Variants in ZDHHC17 observed in about 807,000 individuals in gnomAD.
The protein encoded by ZDHHC17 is zDHHC palmitoyltransferase 17.
In ZDHHC17, 40 loss-of-function variants were observed where a neutral mutation model predicts 90.3. That is an observed-to-expected ratio of 0.44 (90% confidence interval 0.34 to 0.58). ZDHHC17 has a LOEUF of 0.58. Among genes scored for constraint, ZDHHC17 ranks in the 20% least tolerant of loss-of-function variants. The pLI is 0.01. For synonymous variants in ZDHHC17, 235 were observed against 252.4 expected (o/e 0.93, Z 0.65); for missense variants, 614 against 780.8 (o/e 0.79, Z 2.55).
intron 2 of ZDHHC17, among the ~76,000 whole-genome samples, chr12:76,802,002 A>G (rs1166331143): frequency 1.3e-5 from 2 of 152,214 alleles, no homozygotes; most frequent in Non-Finnish European, 2.9e-5. Flanking sequence ...TTGTTACGTC[A>G]TACTAGGTTT....
At chr12:76,792,147 C>T (rs1463754687) in intron 1 of ZDHHC17, among the ~76,000 whole-genome samples, 1 of 152,054 alleles carries the variant, frequency 6.6e-6, no homozygotes, top group African/African-American at 2.4e-5. Context: ...GTCACCAGCC[C>T]CCTCCTGAGT....
At chr12:76,778,741 G>T (rs1009285470) in intron 1 of ZDHHC17, among the ~76,000 whole-genome samples, 13 of 152,158 alleles carry the variant, frequency 8.5e-5, no homozygotes, top group Non-Finnish European at 1.5e-4. Context: ...GTGCATATTT[G>T]CCATTTGTAT....
intron 1 of ZDHHC17, among the ~76,000 whole-genome samples, chr12:76,765,163 G>T (rs1040403890): frequency 9.2e-5 from 14 of 152,228 alleles, no homozygotes; most frequent in Non-Finnish European, 1.9e-4. Context: ...TGCGGCAGCG[G>T]CACAGTTTGC....
chr12:76,817,788 A>G (rs899467064), intron 7 of ZDHHC17, among the ~76,000 whole-genome samples: 14 of 152,122 alleles, frequency 9.2e-5, no homozygotes, highest in African/African-American at 3.4e-4. Context: ...AAAGTTAATG[A>G]TAAGAGTAGA....
intron 1 of ZDHHC17, among the ~76,000 whole-genome samples, chr12:76,778,046 G>A (rs913517220): frequency 3.3e-5 from 5 of 152,108 alleles, no homozygotes; most frequent in Non-Finnish European, 5.9e-5. Flanking sequence ...GTTGTGGATT[G>A]GCTAGTTTAA....
intron 10 of ZDHHC17, among the ~76,000 whole-genome samples, chr12:76,839,788 C>T (rs1376029679): frequency 2.6e-5 from 4 of 152,142 alleles, no homozygotes; most frequent in Non-Finnish European, 5.9e-5. Flanking sequence ...TGCAAATGTA[C>T]TGATCAGTCG....
intron 1 of ZDHHC17, among the ~76,000 whole-genome samples, chr12:76,786,754 G>A (rs11115381): frequency 0.011 from 1,681 of 150,452 alleles, 11 homozygotes; most frequent in Non-Finnish European, 0.017. Flanking sequence ...CAGGAAAGGT[G>A]GAAGTATAAA....
At position 76,841,449 on chromosome 12, in the gene ZDHHC17, T is replaced by C. The variant is rs185898622; in HGVS notation, c.1142-533T>C. Among the ~76,000 whole-genome samples, 891 of 152,288 alleles carry C rather than the reference T, an allele frequency of 5.9e-3. 10 individuals are homozygous for C. The highest frequency in any genetic ancestry group is 0.021 in the African/African-American group (867 of 41,580). Reference sequence around the variant, plus strand: ...TTGATAATTTACTTGTGTTTATAAATGCCTAGTATATTTCTTACGTTTTTA... The same window carrying C: ...TTGATAATTTACTTGTGTTTATAAACGCCTAGTATATTTCTTACGTTTTTA... On this transcript the variant is annotated intron_variant, in intron 10 of 16. Transcript: ENST00000426126.
intron 3 of ZDHHC17, among the ~76,000 whole-genome samples, chr12:76,808,774 C>A (rs1952985111): frequency 6.6e-6 from 1 of 150,888 alleles, no homozygotes; most frequent in African/African-American, 2.4e-5. Context: ...TGAGTACCTT[C>A]TTTTTTACGT....
At chr12:76,829,885 G>A (rs1422346043) in intron 10 of ZDHHC17, among the ~76,000 whole-genome samples, 1 of 152,088 alleles carries the variant, frequency 6.6e-6, no homozygotes. Context: ...TTGGAGTGCA[G>A]TGGCACAATC....
At chr12:76,778,270 C>T (rs1404754081) in intron 1 of ZDHHC17, among the ~76,000 whole-genome samples, 1 of 151,996 alleles carries the variant, frequency 6.6e-6, no homozygotes, top group African/African-American at 2.4e-5. Context: ...TAGAAGGGCA[C>T]GATTTCAGCT....
chr12:76,791,923 G>A (rs1952763819), intron 1 of ZDHHC17, among the ~76,000 whole-genome samples: 1 of 152,328 alleles, frequency 6.6e-6, no homozygotes, highest in East Asian at 1.9e-4. Flanking sequence ...TGAAAGAGAT[G>A]TATGGGAGGA....
At chr12:76,775,126 A>T (rs1952544524) in intron 1 of ZDHHC17, among the ~76,000 whole-genome samples, 1 of 152,168 alleles carries the variant, frequency 6.6e-6, no homozygotes, top group South Asian at 2.1e-4. Context: ...CTTTGTGGTT[A>T]TTCCTGATAG....
chr12:76,842,177 G>T, intron 11 of ZDHHC17, 71 bp downstream of exon 11: 3 of 1,372,682 alleles, frequency 2.2e-6, no homozygotes, highest in Admixed American at 5.8e-5. Flanking sequence ...GACATTAGAG[G>T]ACAGAGGAAT....
intron 1 of ZDHHC17, among the ~76,000 whole-genome samples, chr12:76,772,937 A>C (rs531782384): frequency 6.6e-6 from 1 of 151,482 alleles, no homozygotes; most frequent in South Asian, 2.1e-4. Flanking sequence ...GGCTCACTGC[A>C]ACTTCGCCTC....
At chr12:76,820,931 A>T in intron 7 of ZDHHC17, 1 of 528,788 alleles carries the variant, frequency 1.9e-6, no homozygotes, top group Non-Finnish European at 3.2e-6. Flanking sequence ...CCCTGGTTTT[A>T]ATATACTTCT....
intron 1 of ZDHHC17, among the ~76,000 whole-genome samples, chr12:76,777,534 C>G (rs944484486): frequency 6.6e-6 from 1 of 152,076 alleles, no homozygotes; most frequent in Non-Finnish European, 1.5e-5. Flanking sequence ...AATTTTGATT[C>G]TTCTGGGAGT....
At chr12:76,839,851 GTGTC>G (rs1367786642) in intron 10 of ZDHHC17, among the ~76,000 whole-genome samples, 1 of 152,148 alleles carries the variant, frequency 6.6e-6, no homozygotes, top group Admixed American at 6.5e-5. Flanking sequence ...TAGTATAAAA[GTGTC>G]TGTGTATATT....
In ZDHHC17 at chr12:76,850,951, A is replaced by G. The variant is rs887718382; in HGVS notation, c.1865A>G (p.Asp622Gly). Residue 622 changes from aspartate (D) to glycine (G), a missense_variant, in exon 17 of 17, where the codon GAC becomes GGC. Around this residue, in one of 5 missense-constraint regions of ZDHHC17, gnomAD observed 28 missense variants for 20.0 expected, o/e 1.40. Transcript: ENST00000426126. ...ACCAGGCAGTATACAATAGAATATG[A>G]CCAAATATCAGGATCTGGGTACCAG... ...DWTRQYTIEY[D>G]QISGSGYQLV 3.3e-5 allele frequency: 54 copies of G among 1,613,788 alleles called. No individual in the cohort carries two copies. Among genetic ancestry groups the G allele is most frequent in the Non-Finnish European group, 4.5e-5 (53 of 1,179,872 alleles).
Sources: gnomAD v4.1 joint callset for allele counts (sites outside exome capture counted in the v4.1 genomes callset) on GRCh38, gnomAD v4.1.1 for gene constraint, gnomAD v4.1.1 regional missense constraint, MANE v1.5 for transcripts, NCBI Gene and HGNC (gene_info 2026-07-23, HGNC 2026-07-21) for gene names.